The following MLLT10 variants were observed in gnomAD, a reference collection of about 807,000 sequenced individuals.
MLLT10 encodes MLLT10 histone lysine methyltransferase DOT1L cofactor.
A neutral mutation model predicts 129.1 loss-of-function variants in MLLT10; 30 were observed. The observed-to-expected ratio is 0.23, with a 90% CI of 0.17 to 0.32. The LOEUF (loss-of-function observed/expected upper bound fraction) is 0.32, where lower values mean the gene tolerates loss of function less well. Among genes scored for constraint, MLLT10 ranks in the 10% least tolerant of loss-of-function variants. The pLI, the probability that MLLT10 is intolerant of heterozygous loss-of-function variation, is 1.00. For missense variants in MLLT10, 1,119 were observed against 1,268.3 expected (o/e 0.88, Z 1.79); for synonymous variants, 490 against 446.4 (o/e 1.10, Z -1.23).
At chr10:21,554,906 C>T (rs1371732760) in intron 3 of MLLT10, among the ~76,000 whole-genome samples, 2 of 151,942 alleles carry the variant, frequency 1.3e-5, no homozygotes, top group African/African-American at 4.8e-5. Context: ...ACTGCAACCC[C>T]TACCACCCGG....
rs1159386314 is a variant in MLLT10, at chr10:21,587,632, G to C, written c.295+1284G>C. Among the ~76,000 whole-genome samples the C allele has an allele frequency of 2.6e-5, 4 of 152,180 alleles. No individual in the cohort carries two copies. In the East Asian group the frequency reaches 7.7e-4, roughly 29 times the overall value. On this transcript the variant is annotated intron_variant, in intron 4 of 22. Coordinates refer to ENST00000307729, the MANE Select transcript of MLLT10 (RefSeq NM_001195626.3). ...TATATGATGAGGCAGCTAAAAAAAG[G>C]TTAAGCTGCTATTACTACTATACTC...
intron 14 of MLLT10, among the ~76,000 whole-genome samples, chr10:21,722,933 T>A (rs2057236141): frequency 6.6e-6 from 1 of 152,220 alleles, no homozygotes; most frequent in South Asian, 2.1e-4. Context: ...GATGTTTTTA[T>A]ACACCAAAAT....
At chr10:21,615,175 A>C (rs571108856) in intron 7 of MLLT10, among the ~76,000 whole-genome samples, 1 of 152,168 alleles carries the variant, frequency 6.6e-6, no homozygotes, top group East Asian at 1.9e-4. Flanking sequence ...TATTAATATT[A>C]GGCCGGGTGT....
chr10:21,665,635 C>T (rs1283864177), intron 9 of MLLT10, among the ~76,000 whole-genome samples: 1 of 151,906 alleles, frequency 6.6e-6, no homozygotes, highest in Non-Finnish European at 1.5e-5. Context: ...TGAGTTTATT[C>T]ATTCATTGTT....
chr10:21,624,465 A>G (rs2046218737), intron 8 of MLLT10: 2 of 552,592 alleles, frequency 3.6e-6, no homozygotes, highest in South Asian at 6.3e-5. Flanking sequence ...TGATTTCTTC[A>G]GCCCAATACA....
At chr10:21,658,941 C>CA (rs2049891116) in intron 9 of MLLT10, among the ~76,000 whole-genome samples, 1 of 152,088 alleles carries the variant, frequency 6.6e-6, no homozygotes, top group Non-Finnish European at 1.5e-5. Flanking sequence ...GCTGGGATTA[C>CA]AGGCATGAGC....
chr10:21,563,887 A>G (rs2039182507), intron 3 of MLLT10, among the ~76,000 whole-genome samples: 1 of 151,560 alleles, frequency 6.6e-6, no homozygotes, highest in Non-Finnish European at 1.5e-5. Context: ...ATCTAGGCTC[A>G]CTGCGGGCTC....
At chr10:21,717,807 T>TCCTCTC (rs1490289204) in intron 14 of MLLT10, among the ~76,000 whole-genome samples, 9 of 134,786 alleles carry the variant, frequency 6.7e-5, no homozygotes, top group Admixed American at 5.9e-4. Context: ...TTCTCCTTCT[T>TCCTCTC]CTTCTCCTTC....
chr10:21,704,273 T>G (rs1208985233), intron 13 of MLLT10, among the ~76,000 whole-genome samples: 1 of 150,148 alleles, frequency 6.7e-6, no homozygotes. Context: ...CCTCCCAAAG[T>G]GCTGGGATTA....
intron 3 of MLLT10, chr10:21,556,786 T>C: frequency 6.3e-7 from 1 of 1,592,010 alleles, no homozygotes; most frequent in Non-Finnish European, 8.6e-7. Flanking sequence ...TGCATTGCTT[T>C]TGGGCTTGTC....
intron 13 of MLLT10, among the ~76,000 whole-genome samples, chr10:21,692,001 CAAAAAA>C (rs929971187): frequency 2.6e-4 from 13 of 50,164 alleles, no homozygotes; most frequent in East Asian, 8.5e-4. Flanking sequence ...CTCATATCTA[CAAAAAA>C]AAAAAAAAAA....
At chr10:21,683,043 A>G (rs890690925) in intron 13 of MLLT10, among the ~76,000 whole-genome samples, 4 of 152,140 alleles carry the variant, frequency 2.6e-5, no homozygotes, top group African/African-American at 9.7e-5. Context: ...ATACATTTTC[A>G]TTAACTTCAT....
intron 9 of MLLT10, among the ~76,000 whole-genome samples, chr10:21,653,248 G>T (rs2049229280): frequency 1.3e-5 from 2 of 152,286 alleles, no homozygotes; most frequent in South Asian, 4.1e-4. Context: ...GAAAGAATCT[G>T]TTTCTACCGT....
intron 8 of MLLT10, among the ~76,000 whole-genome samples, chr10:21,627,855 A>G (rs931047284): frequency 5.9e-5 from 9 of 152,224 alleles, no homozygotes; most frequent in African/African-American, 2.2e-4. Context: ...ACAGTAAGAA[A>G]TAATTAGACT....
chr10:21,561,510 C>T (rs1243469253), intron 3 of MLLT10, among the ~76,000 whole-genome samples: 24 of 152,356 alleles, frequency 1.6e-4, no homozygotes, highest in African/African-American at 3.1e-4. Context: ...CCGCCCACCT[C>T]GGCCTCCCGA....
At chr10:21,740,376 C>A in intron 22 of MLLT10, 140 bp downstream of exon 22, 2 of 891,634 alleles carry the variant, frequency 2.2e-6, no homozygotes, top group Non-Finnish European at 3.4e-6. Flanking sequence ...ATATTATAGG[C>A]AAAGGATCTA....
intron 13 of MLLT10, among the ~76,000 whole-genome samples, chr10:21,699,813 T>A (rs2054730843): frequency 6.6e-6 from 1 of 152,362 alleles, no homozygotes; most frequent in East Asian, 1.9e-4. Flanking sequence ...CGTAGCATGA[T>A]GACTCCAGCT....
intron 4 of MLLT10, among the ~76,000 whole-genome samples, chr10:21,592,779 T>C (rs1350490502): frequency 6.6e-6 from 1 of 152,150 alleles, no homozygotes; most frequent in Non-Finnish European, 1.5e-5. Context: ...TCTGTAGTTT[T>C]ATTGTCTCTT....
intron 3 of MLLT10, chr10:21,557,228 GAGTTATAACTC>G: frequency 8.9e-7 from 1 of 1,120,382 alleles, no homozygotes. Context: ...CTTAATGATT[GAGTTATAACTC>G]AGTTATTATA....
Sources: allele counts gnomAD v4.1 joint callset (sites outside exome capture counted in the v4.1 genomes callset), GRCh38; gene constraint gnomAD v4.1.1; transcripts MANE v1.5; gene names NCBI Gene and HGNC (gene_info 2026-07-23, HGNC 2026-07-21).